ZNF418: variants seen among roughly 807,000 people sequenced by gnomAD.
ZNF418 encodes zinc finger protein 418.
In ZNF418, 32 loss-of-function variants were observed where a neutral mutation model predicts 32.0. The observed-to-expected ratio is 1.00, with a 90% CI of 0.75 to 1.34. The LOEUF (loss-of-function observed/expected upper bound fraction) is 1.34. Ranked by LOEUF, ZNF418 falls within the 40% of genes most tolerant of loss-of-function variation. The probability of loss-of-function intolerance (pLI) is 0.00; values close to 1 mark genes in which losing one functional copy is unlikely to be tolerated. For missense variants in ZNF418, 804 were observed against 812.5 expected, an observed-to-expected ratio of 0.99 and a Z score of 0.13; for synonymous variants, 276 against 270.7, an observed-to-expected ratio of 1.02 and a Z score of -0.19.
Position 57,927,663 on chromosome 19 carries a change from C to A in ZNF418, c.518G>T (p.Gly173Val), listed in dbSNP as rs1263544311. The part of the protein sequence containing the change: ...QSGKDFLPSS[G>V]LLLQEATHTG... ...GTGAGTGGCCTCCTGCAGCAGTAATCCTGAGCTGGGCAAAAAGTCCTTTCC... is the reference window on the plus strand; with the variant it reads ...GTGAGTGGCCTCCTGCAGCAGTAATACTGAGCTGGGCAAAAAGTCCTTTCC... Residue 173 changes from glycine to valine, a missense_variant, in exon 4 of 6, where the codon GGA becomes GTA. Physicochemically the swap from Gly to Val is moderately radical, Grantham distance 109. This residue lies in a region of ZNF418 where 307 missense variants were observed against 304.9 expected (regional missense o/e 1.01). Coordinates refer to ENST00000396147, the MANE Select transcript of ZNF418 (RefSeq NM_133460.3). The A allele has an allele frequency of 1.4e-5, 22 of 1,613,976 alleles. No homozygotes were observed. The highest frequency in any genetic ancestry group is 1.9e-5 in the Non-Finnish European group (22 of 1,179,974).
At chr19:57,932,484 G>C in intron 2 of ZNF418, 1 of 1,535,378 alleles carries the variant, frequency 6.5e-7, no homozygotes, top group Non-Finnish European at 8.7e-7. Context: ...TTCTATGAAG[G>C]CCTTCTTGCA....
Position 57,926,840 on chromosome 19 carries a change from G to GCTT in ZNF418, c.1338_1340dup (p.Arg446dup). 1 of 1,613,682 alleles carries GCTT rather than the reference G, an allele frequency of 6.2e-7. No homozygotes were observed. Among genetic ancestry groups the GCTT allele is most frequent in the Non-Finnish European group, 8.5e-7 (1 of 1,179,926 alleles). Reference sequence around the variant, plus strand: ...ACTCATAAGGCCTTTCTCCAGTGTGGCTTCGCTGATGCTGAATGAGGTTGC... The same window carrying GCTT: ...ACTCATAAGGCCTTTCTCCAGTGTGGCTTCTTCGCTGATGCTGAATGAGGTTGC... On this transcript the variant is annotated inframe_insertion, in exon 4 of 6. Transcript: ENST00000396147.
intron 1 of ZNF418, 106 bp downstream of exon 1, chr19:57,935,055 C>T: frequency 7.4e-7 from 1 of 1,351,378 alleles, no homozygotes; most frequent in Non-Finnish European, 9.6e-7. Context: ...CCTCAGTGTC[C>T]CGACGCCGGG....
At chr19:57,932,046 C>A (rs758659765) in intron 2 of ZNF418, among the ~76,000 whole-genome samples, 2 of 152,214 alleles carry the variant, frequency 1.3e-5, no homozygotes, top group Non-Finnish European at 2.9e-5. Flanking sequence ...ATGGGGGTTG[C>A]ACTGTGGACA....
chr19:57,931,055 G>A (rs996637166), intron 2 of ZNF418, among the ~76,000 whole-genome samples: 2 of 151,824 alleles, frequency 1.3e-5, no homozygotes, highest in Non-Finnish European at 2.9e-5. Flanking sequence ...GATTATAGGC[G>A]TGAGCCACCG....
At chr19:57,930,242 G>A (rs1157993746) in intron 3 of ZNF418, among the ~76,000 whole-genome samples, 186 bp downstream of exon 3, 2 of 152,102 alleles carry the variant, frequency 1.3e-5, no homozygotes, top group Non-Finnish European at 2.9e-5. Context: ...AGCACGTATT[G>A]GGACTGCTCA....
intron 3 of ZNF418, among the ~76,000 whole-genome samples, chr19:57,928,658 G>A (rs1416043058): frequency 6.6e-6 from 1 of 152,120 alleles, no homozygotes; most frequent in Non-Finnish European, 1.5e-5. Context: ...CTAAGAAAAT[G>A]ATTTACAAGA....
At chr19:57,923,507 C>T (rs796702106) in intron 4 of ZNF418, among the ~76,000 whole-genome samples, 3,088 of 139,756 alleles carry the variant, frequency 0.022, no homozygotes, top group Non-Finnish European at 0.032. Context: ...CATATATACA[C>T]ACACATATAT....
At chr19:57,924,294 T>C (rs1209006741) in intron 4 of ZNF418, among the ~76,000 whole-genome samples, 3 of 152,134 alleles carry the variant, frequency 2.0e-5, no homozygotes, top group Non-Finnish European at 4.4e-5. Context: ...CCTGATTAAA[T>C]TGGAACACTG....
chr19:57,930,448 C>G lies in ZNF418; in HGVS notation c.113G>C (p.Trp38Ser), dbSNP rs1177445278. The G allele has an allele frequency of 6.2e-7, 1 of 1,614,108 alleles. No homozygotes were observed. The highest frequency in any genetic ancestry group is 1.7e-5 in the Admixed American group (1 of 60,012). ...CLYHDVMLEN[W>S]VLISSLGCWC... Reference sequence around the variant, plus strand: ...CTTACCCAGGGAGGATATAAGTACCCAGTTCTCCAGCATCACGTCATGGTA... The same window carrying G: ...CTTACCCAGGGAGGATATAAGTACCGAGTTCTCCAGCATCACGTCATGGTA... The change falls in exon 3 of 6, where the codon TGG becomes TCG. Residue 38 changes from tryptophan (W) to serine (S), a missense_variant. This residue lies in a region of ZNF418 where 307 missense variants were observed against 304.9 expected (regional missense o/e 1.01). Coordinates refer to ENST00000396147, the MANE Select transcript of ZNF418 (RefSeq NM_133460.3).
intron 2 of ZNF418, among the ~76,000 whole-genome samples, chr19:57,931,837 A>G (rs896753274): frequency 6.6e-6 from 1 of 152,106 alleles, no homozygotes; most frequent in African/African-American, 2.4e-5. Context: ...CAGCCTCCCA[A>G]AGTGCTGGGA....
At position 57,926,025 on chromosome 19, in the gene ZNF418, TAAAAC is replaced by T; in HGVS notation, c.*120_*124del. 1 of 820,692 alleles carries T rather than the reference TAAAAC, an allele frequency of 1.2e-6. No individual in the cohort carries two copies. Among genetic ancestry groups the T allele is most frequent in the Admixed American group, 2.9e-5 (1 of 34,654 alleles). The allele number at this position is 820,692 out of a possible 1,614,324, so 50.8% of individuals were successfully genotyped here. ...GCAGTGGGAGCTCTTCTGTATGTAA[TAAAAC>T]AAGACTTCTGCATAAAGAATATCCC... On this transcript the variant is annotated 3_prime_UTR_variant, in exon 4 of 6. Transcript: ENST00000396147.
rs117127890 is a variant in ZNF418, at chr19:57,934,160, C to T, written c.-80-258G>A. On this transcript the variant is annotated intron_variant, in intron 1 of 5. Transcript: ENST00000396147. ...GGCAAGTAAGAGTCCCAGGACATCA[C>T]AAGCTAGAGAACATGTGAATGGGGA... is the stretch of plus-strand genomic sequence containing the variant. 475 of 1,261,232 alleles carry T rather than the reference C, an allele frequency of 3.8e-4. 2 individuals carry two copies. The East Asian group carries it at 0.014, about 36-fold the overall frequency. 78.1% of individuals were successfully genotyped at this position (1,261,232 alleles called of 1,614,324 possible).
At chr19:57,929,485 A>G (rs1476326869) in intron 3 of ZNF418, among the ~76,000 whole-genome samples, 1 of 152,202 alleles carries the variant, frequency 6.6e-6, no homozygotes, top group African/African-American at 2.4e-5. Flanking sequence ...TGGGGCAACT[A>G]GCCTCTGTGG....
intron 3 of ZNF418, among the ~76,000 whole-genome samples, chr19:57,928,596 C>A (rs547120725): frequency 6.6e-6 from 1 of 152,052 alleles, no homozygotes. Flanking sequence ...CACTTGTCTG[C>A]GGGAAATTAT....
At chr19:57,934,296 C>A (rs1276015559) in intron 1 of ZNF418, 4 of 850,576 alleles carry the variant, frequency 4.7e-6, no homozygotes, top group Middle Eastern at 5.8e-4. Context: ...CTCACCGCAA[C>A]CTCTGCCTCC....
Position 57,927,028 on chromosome 19 carries a change from G to C in ZNF418, c.1153C>G (p.Leu385Val). The change falls in exon 4 of 6, where the codon CTA becomes GTA. Residue 385 changes from leucine (L) to valine (V), a missense_variant. Physicochemically the swap from Leu to Val is conservative, Grantham distance 32. Transcript: ENST00000396147. ...GTGTGAACTCGATGATGTTCAGTTAGGGTGCCCTTTTGACTAAAACATTTT... is the reference window on the plus strand; with the variant it reads ...GTGTGAACTCGATGATGTTCAGTTACGGTGCCCTTTTGACTAAAACATTTT... The part of the protein sequence containing the change: ...CGKCFSQKGT[L>V]TEHHRVHTRE... 1 of 1,614,008 alleles carries C rather than the reference G, an allele frequency of 6.2e-7. No individual in the cohort carries two copies. The highest frequency in any genetic ancestry group is 1.3e-5 in the African/African-American group (1 of 74,960).
At chr19:57,933,474 GCA>G (rs2072561813) in intron 2 of ZNF418, among the ~76,000 whole-genome samples, 1 of 152,170 alleles carries the variant, frequency 6.6e-6, no homozygotes, top group African/African-American at 2.4e-5. Flanking sequence ...TGTAATCCCA[GCA>G]CTTTGGGAGG....
Position 57,926,119 on chromosome 19 carries a change from GGT to G in ZNF418, c.*29_*30del. On this transcript the variant is annotated 3_prime_UTR_variant, in exon 4 of 6. Coordinates refer to ENST00000396147, the MANE Select transcript of ZNF418 (RefSeq NM_133460.3). ...CCCTCTGATCAAGAAGATGCACAGAGGTTTAGCTAAAGAATTTCCCAAATTTC... is the reference window on the plus strand; with the variant it reads ...CCCTCTGATCAAGAAGATGCACAGAGTTAGCTAAAGAATTTCCCAAATTTC... 1 of 1,568,392 alleles carries G rather than the reference GGT, an allele frequency of 6.4e-7. No homozygotes were observed. The highest frequency in any genetic ancestry group is 8.7e-7 in the Non-Finnish European group (1 of 1,149,100).
Sources: allele counts gnomAD v4.1 joint callset (sites outside exome capture counted in the v4.1 genomes callset), GRCh38; gene constraint gnomAD v4.1.1; regional missense constraint gnomAD v4.1.1; transcripts MANE v1.5; gene names NCBI Gene and HGNC (gene_info 2026-07-23, HGNC 2026-07-21).